SLC16A12: variants seen among roughly 807,000 people sequenced by gnomAD.
The protein encoded by SLC16A12 is solute carrier family 16 member 12.
Under a neutral mutation model 42.4 loss-of-function variants are expected in SLC16A12, and 17 were observed. That is an observed-to-expected ratio of 0.40 (90% confidence interval 0.27 to 0.60). The LOEUF is 0.60. Ranked by LOEUF, SLC16A12 falls within the 20% of genes least tolerant of loss-of-function variation. SLC16A12 has a pLI of 0.42. For synonymous variants in SLC16A12, 224 were observed against 229.4 expected (o/e 0.98, Z 0.21); for missense variants, 544 against 623.0 (o/e 0.87, Z 1.35).
At chr10:89,530,837 T>G in intron 2 of SLC16A12, among the ~76,000 whole-genome samples, 1 of 152,168 alleles carries the variant, frequency 6.6e-6, no homozygotes, top group Admixed American at 6.5e-5. Flanking sequence ...CTATTTCCCC[T>G]ACCCCACTTC....
intron 2 of SLC16A12, among the ~76,000 whole-genome samples, chr10:89,546,021 A>T (rs936933142): frequency 6.6e-6 from 1 of 152,220 alleles, no homozygotes; most frequent in African/African-American, 2.4e-5. Context: ...CGTTCCTTAC[A>T]TCTTATACAA....
intron 2 of SLC16A12, among the ~76,000 whole-genome samples, chr10:89,492,573 T>C (rs1285143081): frequency 6.6e-6 from 1 of 152,172 alleles, no homozygotes; most frequent in Non-Finnish European, 1.5e-5. Context: ...ACCCCGTCTC[T>C]ACTTAAAATA....
intron 2 of SLC16A12, among the ~76,000 whole-genome samples, chr10:89,495,078 G>T (rs1263052140): frequency 6.6e-6 from 1 of 152,176 alleles, no homozygotes; most frequent in Non-Finnish European, 1.5e-5. Context: ...GCCGGGCATA[G>T]TGGCTCATGC....
intron 2 of SLC16A12, among the ~76,000 whole-genome samples, chr10:89,493,219 C>CTTTTTTTTTT (rs35163833): frequency 7.1e-6 from 1 of 140,586 alleles, no homozygotes; most frequent in African/African-American, 2.6e-5. Context: ...TTTTTTCTTT[C>CTTTTTTTTTT]TTTTTTTTTT....
chr10:89,486,603 A>AAAAGAAAGAAAGAAAG (rs141642264), intron 2 of SLC16A12, among the ~76,000 whole-genome samples: 58 of 70,404 alleles, frequency 8.2e-4, no homozygotes, highest in South Asian at 2.7e-3. Flanking sequence ...AAAAAAAAAA[A>AAAAGAAAGAAAGAAAG]AAAGAAAGAA....
chr10:89,529,149 G>T (rs146319017), intron 2 of SLC16A12, among the ~76,000 whole-genome samples: 2 of 152,050 alleles, frequency 1.3e-5, no homozygotes, highest in East Asian at 1.9e-4. Flanking sequence ...GTTCCTTCGG[G>T]GGCTATGAAT....
intron 2 of SLC16A12, among the ~76,000 whole-genome samples, chr10:89,499,889 T>A (rs303188): frequency 0.26 from 38,856 of 152,050 alleles, 5,453 homozygotes; most frequent in Non-Finnish European, 0.32. Flanking sequence ...AATGAAATTG[T>A]TAGACCATTA....
intron 2 of SLC16A12, among the ~76,000 whole-genome samples, chr10:89,482,583 A>G (rs1842682890): frequency 6.6e-6 from 1 of 151,944 alleles, no homozygotes; most frequent in Non-Finnish European, 1.5e-5. Context: ...GAGTTTGAGA[A>G]CAGCCTGGGC....
In SLC16A12 at chr10:89,555,524, T is replaced by TGTATATATACGTATGTATGTATATAC. The variant is rs1228767139; in HGVS notation, c.-47+332_-47+357dup. ...ATATACGTATATATATGTATATATG[T>TGTATATATACGTATGTATGTATATAC]GTATATATACGTATGTATGTATATA... On this transcript the variant is annotated intron_variant, in intron 2 of 2. Coordinates refer to the SLC16A12 transcript ENST00000475682. Among the ~76,000 whole-genome samples, 163 of 123,024 alleles carry TGTATATATACGTATGTATGTATATAC rather than the reference T, an allele frequency of 1.3e-3. 1 individual carries two copies. The highest frequency in any genetic ancestry group is 2.9e-3 in the South Asian group (11 of 3,858). The allele number at this position is 123,024 out of a possible 152,430, so 80.7% of individuals were successfully genotyped here. A position where few individuals can be genotyped will look rare whatever the true frequency, so the allele number is the denominator to read the frequency against.
intron 2 of SLC16A12, among the ~76,000 whole-genome samples, chr10:89,515,721 C>T (rs1215966472): frequency 6.6e-6 from 1 of 152,078 alleles, no homozygotes; most frequent in Non-Finnish European, 1.5e-5. Context: ...GCAAGAGCAC[C>T]CCCTCACTCT....
At chr10:89,522,332 C>G (rs980076495) in intron 2 of SLC16A12, among the ~76,000 whole-genome samples, 3 of 152,216 alleles carry the variant, frequency 2.0e-5, no homozygotes, top group African/African-American at 7.2e-5. Context: ...CCGCTTTCCC[C>G]CATTCCATTA....
At chr10:89,453,397 T>C (rs897476897) in intron 3 of SLC16A12, among the ~76,000 whole-genome samples, 1 of 152,244 alleles carries the variant, frequency 6.6e-6, no homozygotes, top group Non-Finnish European at 1.5e-5. Flanking sequence ...TTACCCTCAT[T>C]ATAAAATTCA....
chr10:89,456,777 C>T (rs1842199028), intron 3 of SLC16A12, among the ~76,000 whole-genome samples: 1 of 152,126 alleles, frequency 6.6e-6, no homozygotes, highest in Non-Finnish European at 1.5e-5. Context: ...GTTCAGCTTC[C>T]ACTTATGATT....
intron 4 of SLC16A12, among the ~76,000 whole-genome samples, chr10:89,442,792 ATT>A (rs1245830681): frequency 2.6e-5 from 4 of 152,048 alleles, no homozygotes; most frequent in Non-Finnish European, 5.9e-5. Context: ...GAGTAAATGA[ATT>A]TTTTTTCCAA....
intron 4 of SLC16A12, among the ~76,000 whole-genome samples, chr10:89,443,522 T>C (rs767142276): frequency 3.3e-5 from 5 of 152,206 alleles, no homozygotes; most frequent in African/African-American, 4.8e-5. Context: ...TTCTTTTGAG[T>C]GTATTATCTA....
intron 2 of SLC16A12, among the ~76,000 whole-genome samples, chr10:89,489,032 C>A (rs566232787): frequency 1.3e-5 from 2 of 152,264 alleles, no homozygotes; most frequent in Admixed American, 6.5e-5. Flanking sequence ...TTTAAGTAAT[C>A]ATCTCTAGAA....
chr10:89,471,182 T>C (rs549683754), intron 2 of SLC16A12, among the ~76,000 whole-genome samples: 1 of 152,350 alleles, frequency 6.6e-6, no homozygotes, highest in African/African-American at 2.4e-5. Flanking sequence ...GTATCACTTA[T>C]GTAATTACAA....
intron 5 of SLC16A12, among the ~76,000 whole-genome samples, chr10:89,439,569 A>G (rs528199734): frequency 6.6e-6 from 1 of 152,232 alleles, no homozygotes; most frequent in Non-Finnish European, 1.5e-5. Flanking sequence ...TTCACTGCCT[A>G]TGAAGACACA....
intron 2 of SLC16A12, among the ~76,000 whole-genome samples, chr10:89,486,655 G>GA (rs1280635085): frequency 2.1e-5 from 1 of 48,708 alleles, no homozygotes; most frequent in African/African-American, 9.3e-5. Context: ...AAGAAAGAAA[G>GA]AAAGAAAGAA....
Sources: gnomAD v4.1 joint callset for allele counts (sites outside exome capture counted in the v4.1 genomes callset) on GRCh38, gnomAD v4.1.1 for gene constraint, MANE v1.5 for transcripts, NCBI Gene and HGNC (gene_info 2026-07-23, HGNC 2026-07-21) for gene names.